The following IGF1R variants were observed in gnomAD, a reference collection of about 807,000 sequenced individuals.
IGF1R encodes the protein insulin-like growth factor 1 receptor.
IGF1R carries 44 observed loss-of-function variants against 144.6 expected under a neutral mutation model. The observed-to-expected ratio is 0.30, with a 90% CI of 0.24 to 0.39. The LOEUF is 0.39. IGF1R is among the 10% of genes least tolerant of loss of function. The pLI is 1.00. For missense variants in IGF1R, 1,355 were observed against 1,833.7 expected, an observed-to-expected ratio of 0.74 and a Z score of 4.77; for synonymous variants, 795 against 722.8, an observed-to-expected ratio of 1.10 and a Z score of -1.60.
Position 98,960,147 on chromosome 15 carries a change from T to C in IGF1R, c.*2705T>C, listed in dbSNP as rs2151743528. ...GCACCTGACAATAGGCCGTTGATAC[T>C]GGTAACCTCATCCACGCCACAGGCG... is the stretch of plus-strand genomic sequence containing the variant. On this transcript the variant is annotated 3_prime_UTR_variant, in exon 21 of 21. Coordinates refer to ENST00000650285, the MANE Select transcript of IGF1R (RefSeq NM_000875.5). 4.3e-6 allele frequency: 1 copy of C among 233,732 alleles called. No individual in the cohort carries two copies. The highest frequency in any genetic ancestry group is 8.5e-6 in the Non-Finnish European group (1 of 118,054). 14.5% of individuals were successfully genotyped at this position (233,732 alleles called of 1,614,324 possible). A position where few individuals can be genotyped will look rare whatever the true frequency, so the allele number is the denominator to read the frequency against.
intron 2 of IGF1R, among the ~76,000 whole-genome samples, chr15:98,801,133 G>T (rs2056353881): frequency 1.3e-5 from 2 of 152,260 alleles, no homozygotes; most frequent in African/African-American, 4.8e-5. Context: ...TAAGAGAAGA[G>T]GAGGTGGCCT....
At position 98,891,140 on chromosome 15, in the gene IGF1R, G is replaced by T. The variant is rs941454592; in HGVS notation, c.641-185G>T. Among the ~76,000 whole-genome samples the T allele has an allele frequency of 1.6e-4, 25 of 152,206 alleles. No individual in the cohort carries two copies. Among genetic ancestry groups the T allele is most frequent in the Admixed American group, 1.6e-3 (24 of 15,284 alleles). ...CTTTAAAGATATCGACTCTCTGCAG[G>T]TCTAAGTGGATGAAAGGACAGTGGT... On this transcript the variant is annotated intron_variant, in intron 2 of 20. Coordinates refer to ENST00000650285, the MANE Select transcript of IGF1R (RefSeq NM_000875.5). This position sits in a 1 kb window ranked among gnomAD's most constrained non-coding sequence, Gnocchi z 4.7.
intron 2 of IGF1R, among the ~76,000 whole-genome samples, chr15:98,808,889 T>A (rs943231531): frequency 6.6e-6 from 1 of 152,140 alleles, no homozygotes; most frequent in Non-Finnish European, 1.5e-5. Flanking sequence ...AGTCTTACTC[T>A]ATTGCCCAGG....
chr15:98,723,637 G>A (rs2054293584), intron 2 of IGF1R, among the ~76,000 whole-genome samples: 1 of 152,158 alleles, frequency 6.6e-6, no homozygotes, highest in Admixed American at 6.5e-5. Flanking sequence ...AAGATAAAGA[G>A]TAGGGCCGTT....
rs1403762686 is a variant in IGF1R at position 98,877,440 on chromosome 15, CT to C, written c.641-13884del. Among the ~76,000 whole-genome samples, 3 of 148,568 alleles carry C rather than the reference CT, an allele frequency of 2.0e-5. No individual in the cohort carries two copies. In the Admixed American group the frequency reaches 2.0e-4, roughly 10 times the overall value. On this transcript the variant is annotated intron_variant, in intron 2 of 20. Transcript: ENST00000650285. ...CAGCCACAGAATTGAAATGAGATAC[CT>C]GTTTCTGCTTCTGGCATTGGGAAAG...
chr15:98,663,084 G>C (rs1046771896), intron 1 of IGF1R, among the ~76,000 whole-genome samples: 3 of 152,162 alleles, frequency 2.0e-5, no homozygotes, highest in African/African-American at 7.2e-5. Context: ...GGCTCAGGGA[G>C]GGAAGTCTTG....
chr15:98,811,818 C>G (rs971808123), intron 2 of IGF1R, among the ~76,000 whole-genome samples: 3 of 151,940 alleles, frequency 2.0e-5, no homozygotes, highest in Admixed American at 2.0e-4. Context: ...CCCAGCTACT[C>G]CGGAGGCTGA....
At chr15:98,798,120 C>T (rs1010127237) in intron 2 of IGF1R, among the ~76,000 whole-genome samples, 21 of 151,912 alleles carry the variant, frequency 1.4e-4, no homozygotes, top group African/African-American at 4.4e-4. Context: ...TAGAAGTGGA[C>T]AAAATGAGGC....
At chr15:98,883,967 C>CT (rs1306459417) in intron 2 of IGF1R, among the ~76,000 whole-genome samples, 1 of 152,168 alleles carries the variant, frequency 6.6e-6, no homozygotes, top group East Asian at 1.9e-4. Flanking sequence ...GTTCATGAGG[C>CT]TCCAGATAAT....
intron 20 of IGF1R, among the ~76,000 whole-genome samples, chr15:98,954,654 G>C (rs2016908853): frequency 1.3e-5 from 2 of 152,122 alleles, no homozygotes; most frequent in African/African-American, 4.8e-5. Context: ...TCGGTCCCTG[G>C]CCACAGGGCA....
chr15:98,959,178 C>G lies in IGF1R; in HGVS notation c.*1736C>G. 4.3e-6 allele frequency: 1 copy of G among 233,492 alleles called. No homozygotes were observed. Among genetic ancestry groups the G allele is most frequent in the Non-Finnish European group, 8.5e-6 (1 of 118,024 alleles). The allele number at this position is 233,492 out of a possible 1,614,324, so 14.5% of individuals were successfully genotyped here. A position where few individuals can be genotyped will look rare whatever the true frequency, so the allele number is the denominator to read the frequency against. On this transcript the variant is annotated 3_prime_UTR_variant, in exon 21 of 21. Coordinates refer to ENST00000650285, the MANE Select transcript of IGF1R (RefSeq NM_000875.5). Reference sequence around the variant, plus strand: ...TCACCCTCTCTTTCCCTTGCCTTTGCTTAGGTTGTGACACACATATATATA... The same window carrying G: ...TCACCCTCTCTTTCCCTTGCCTTTGGTTAGGTTGTGACACACATATATATA...
At position 98,867,331 on chromosome 15, in the gene IGF1R, G is replaced by A. The variant is rs185264698; in HGVS notation, c.641-23994G>A. Among the ~76,000 whole-genome samples the A allele has an allele frequency of 2.8e-3, 419 of 152,278 alleles. 10 individuals carry two copies. The highest frequency in any genetic ancestry group is 2.9e-3 in the South Asian group (14 of 4,826). On this transcript the variant is annotated intron_variant, in intron 2 of 20. Coordinates refer to ENST00000650285, the MANE Select transcript of IGF1R (RefSeq NM_000875.5). ...TTAAAATATTTCTTAAAGGCAAAAA[G>A]CACTGAGCTAATTTTTAAGAATTTT...
chr15:98,880,490 G>A (rs973866525), intron 2 of IGF1R, among the ~76,000 whole-genome samples: 1 of 152,164 alleles, frequency 6.6e-6, no homozygotes, highest in African/African-American at 2.4e-5. Flanking sequence ...TTAATTAAGT[G>A]TTCACAGATA....
chr15:98,775,992 T>A (rs1176522882), intron 2 of IGF1R, among the ~76,000 whole-genome samples: 1 of 152,198 alleles, frequency 6.6e-6, no homozygotes, highest in Non-Finnish European at 1.5e-5. Context: ...ATTTGCCAAG[T>A]ACGCAGCCTT....
At position 98,957,325 on chromosome 15, in the gene IGF1R, C is replaced by G. The variant is rs531882235; in HGVS notation, c.3987C>G (p.Pro1329=). Residue 1329 remains proline (P), a synonymous_variant, in exon 21 of 21, where the codon CCC becomes CCG. Transcript: ENST00000650285. ...RHSGHKAENG[P]GPGVLVLRAS... is the part of the protein sequence containing the mutation. The stretch of plus-strand genomic sequence containing the variant: ...CAGGACACAAGGCCGAGAACGGCCC[C>G]GGCCCTGGGGTGCTGGTCCTCCGCG... 1.2e-6 allele frequency: 2 copies of G among 1,612,370 alleles called. No homozygotes were observed. The highest frequency in any genetic ancestry group is 2.7e-5 in the African/African-American group (2 of 75,044).
intron 5 of IGF1R, among the ~76,000 whole-genome samples, chr15:98,906,835 G>A (rs2014755272): frequency 2.6e-5 from 4 of 152,224 alleles, no homozygotes; most frequent in Admixed American, 2.6e-4. Flanking sequence ...CGTGTGAGGA[G>A]CCTGACTTAG....
intron 2 of IGF1R, among the ~76,000 whole-genome samples, chr15:98,838,643 C>T (rs532874511): frequency 6.6e-6 from 1 of 152,306 alleles, no homozygotes; most frequent in African/African-American, 2.4e-5. Flanking sequence ...CTGATCTAAT[C>T]AGGGTATTAA....
intron 1 of IGF1R, among the ~76,000 whole-genome samples, chr15:98,665,815 G>A (rs954640123): frequency 1.3e-5 from 2 of 152,226 alleles, no homozygotes; most frequent in Admixed American, 1.3e-4. Flanking sequence ...AGGATGGTGC[G>A]AGAAGGAGCT....
chr15:98,771,396 T>C (rs1311505888), intron 2 of IGF1R, among the ~76,000 whole-genome samples: 1 of 152,198 alleles, frequency 6.6e-6, no homozygotes, highest in African/African-American at 2.4e-5. Context: ...CACTGCCGTT[T>C]CATAGGGGTT....
Sources: allele counts gnomAD v4.1 joint callset (sites outside exome capture counted in the v4.1 genomes callset), GRCh38; gene constraint gnomAD v4.1.1; non-coding constraint Gnocchi (gnomAD v3.1); transcripts MANE v1.5; gene names NCBI Gene and HGNC (gene_info 2026-07-23, HGNC 2026-07-21).